Variants in ZNF729 observed in about 807,000 individuals in gnomAD.
The protein encoded by ZNF729 is zinc finger protein 729.
ZNF729 carries 15 observed loss-of-function variants against 12.2 expected under a neutral mutation model. The observed-to-expected ratio is 1.23, with a 90% confidence interval of 0.82 to 1.89. The LOEUF (loss-of-function observed/expected upper bound fraction) is 1.89. Ranked by LOEUF, ZNF729 falls within the 40% of genes most tolerant of loss-of-function variation. The probability of loss-of-function intolerance (pLI) is 0.00; values close to 1 mark genes in which losing one functional copy is unlikely to be tolerated. For synonymous variants in ZNF729, 492 were observed against 476.3 expected (o/e 1.03, Z -0.43); for missense variants, 1,540 against 1,456.7 (o/e 1.06, Z -0.93).
At chr19:22,293,713 C>T (rs1228142557) in intron 1 of ZNF729, among the ~76,000 whole-genome samples, 1 of 151,966 alleles carries the variant, frequency 6.6e-6, no homozygotes, top group Non-Finnish European at 1.5e-5. Context: ...AGGCTGATCT[C>T]AAACTCCTGA....
intron 3 of ZNF729, among the ~76,000 whole-genome samples, chr19:22,305,558 G>A (rs113106398): frequency 0.025 from 3,796 of 151,840 alleles, 152 homozygotes; most frequent in African/African-American, 0.087. Flanking sequence ...CTGGTAAATT[G>A]ACCCATATTA....
chr19:22,294,015 T>C (rs187599995), intron 1 of ZNF729, among the ~76,000 whole-genome samples: 3 of 152,228 alleles, frequency 2.0e-5, no homozygotes, highest in African/African-American at 7.2e-5. Flanking sequence ...CCATTACTTT[T>C]GGTATTTTCA....
intron 1 of ZNF729, chr19:22,299,050 A>G (rs1181064400): frequency 6.6e-6 from 1 of 152,202 alleles, no homozygotes; most frequent in Admixed American, 6.5e-5. Context: ...GAGATGAGAG[A>G]GCAGCAGAGA....
At chr19:22,297,266 TA>T (rs905846281) in intron 1 of ZNF729, among the ~76,000 whole-genome samples, 6 of 150,088 alleles carry the variant, frequency 4.0e-5, no homozygotes, top group African/African-American at 1.5e-4. Flanking sequence ...ATACATTTTT[TA>T]TAACACCTTT....
At position 22,314,903 on chromosome 19, in the gene ZNF729, G is replaced by C. The variant is rs891862927; in HGVS notation, c.1486G>C (p.Ala496Pro). 3 of 1,613,158 alleles carry C rather than the reference G, an allele frequency of 1.9e-6. No individual in the cohort carries two copies. Among genetic ancestry groups the C allele is most frequent in the Non-Finnish European group, 2.5e-6 (3 of 1,179,812 alleles). ...CTACAAATGTGAAGAATGTGGCAAA[G>C]CTTTTAACCATTTCTCAGACCTTAG... ...KPYKCEECGK[A>P]FNHFSDLRRH... Residue 496 changes from alanine (A) to proline (P), a missense_variant, in exon 4 of 4, where the codon GCT (alanine) becomes CCT (proline). Transcript: ENST00000601693.
intron 1 of ZNF729, among the ~76,000 whole-genome samples, chr19:22,298,364 AC>A (rs1419219127): frequency 3.3e-5 from 5 of 152,164 alleles, no homozygotes; most frequent in Non-Finnish European, 7.3e-5. Flanking sequence ...AAAAATTCTT[AC>A]ATGCCTTATA....
At position 22,305,036 on chromosome 19, in the gene ZNF729, G is replaced by A. The variant is rs182749858; in HGVS notation, c.253+253G>A. On this transcript the variant is annotated intron_variant, in intron 3 of 3. Transcript: ENST00000601693. ...TGAGAGCCAAAGTCGTGTTCATGGCGTATAAGGGACTGCACAGTCTGACTG... is the reference window on the plus strand; with the variant it reads ...TGAGAGCCAAAGTCGTGTTCATGGCATATAAGGGACTGCACAGTCTGACTG... 9.8e-5 allele frequency among the ~76,000 whole-genome samples: 15 copies of A among 152,294 alleles called. 1 individual carries two copies. The highest frequency in any genetic ancestry group is 3.4e-3 in the Middle Eastern group (1 of 294).
rs1429141650 is a variant in ZNF729 at position 22,314,242 on chromosome 19, G to A, written c.825G>A (p.Gln275=). Residue 275 remains glutamine, a synonymous_variant, in exon 4 of 4, where the codon CAG becomes CAA. Coordinates refer to ENST00000601693, the MANE Select transcript of ZNF729 (RefSeq NM_001242680.2). ...RCEECGKAFN[Q]SSNLTDHKRI... ...AAGAATGTGGCAAAGCTTTTAACCA[G>A]TCCTCAAATCTTACTGACCATAAGA... is the stretch of plus-strand genomic sequence containing the variant. The A allele has an allele frequency of 1.2e-6, 2 of 1,607,282 alleles. No homozygotes were observed. The highest frequency in any genetic ancestry group is 1.7e-6 in the Non-Finnish European group (2 of 1,177,412).
At chr19:22,307,636 G>A (rs192697929) in intron 3 of ZNF729, among the ~76,000 whole-genome samples, 165 of 150,576 alleles carry the variant, frequency 1.1e-3, no homozygotes, top group Admixed American at 2.0e-3. Context: ...CCAGGTACTC[G>A]GGAGGCTGAA....
In ZNF729 at chr19:22,313,851, G is replaced by T. The variant is rs753047853; in HGVS notation, c.434G>T (p.Cys145Phe). The T allele has an allele frequency of 6.4e-7, 1 of 1,572,642 alleles. No homozygotes were observed. Among genetic ancestry groups the T allele is most frequent in the Non-Finnish European group, 8.6e-7 (1 of 1,162,828 alleles). Residue 145 changes from cysteine to phenylalanine, a missense_variant, in exon 4 of 4, where the codon TGC becomes TTC. Physicochemically the swap from Cys to Phe is radical, Grantham distance 205. Transcript: ENST00000601693. ...HKEGYNKLNQ[C>F]RTATQRKIFQ... ...GAAGGTTATAATAAACTTAACCAAT[G>T]CAGGACAGCTACCCAGAGAAAAATA... is the stretch of plus-strand genomic sequence containing the variant.
At chr19:22,311,638 T>C (rs538640119) in intron 3 of ZNF729, among the ~76,000 whole-genome samples, 1 of 152,302 alleles carries the variant, frequency 6.6e-6, no homozygotes, top group East Asian at 1.9e-4. Context: ...GAAAGTTTCA[T>C]GTGCTGTTGA....
At chr19:22,294,409 A>G (rs751902413) in intron 1 of ZNF729, among the ~76,000 whole-genome samples, 1 of 152,156 alleles carries the variant, frequency 6.6e-6, no homozygotes, top group Non-Finnish European at 1.5e-5. Context: ...TAACGCCTCC[A>G]GCTTTGTTCT....
chr19:22,295,407 T>TG (rs1297909843), intron 1 of ZNF729, among the ~76,000 whole-genome samples: 3 of 142,840 alleles, frequency 2.1e-5, no homozygotes, highest in Non-Finnish European at 4.6e-5. Flanking sequence ...TTTTTTTTTT[T>TG]GAGACAGAGT....
Position 22,314,661 on chromosome 19 carries a change from A to G in ZNF729, c.1244A>G (p.Gln415Arg). The G allele has an allele frequency of 6.2e-7, 1 of 1,612,660 alleles. No homozygotes were observed. Among genetic ancestry groups the G allele is most frequent in the South Asian group, 1.1e-5 (1 of 91,062 alleles). ...GAAGAATGTGGCAAAGCTTTTAGCC[A>G]GTTCTCAACCCTTAAAAAACATAAG... ...KCEECGKAFS[Q>R]FSTLKKHKII... The change falls in exon 4 of 4, where the codon CAG becomes CGG. Residue 415 changes from glutamine to arginine, a missense_variant. Coordinates refer to ENST00000601693, the MANE Select transcript of ZNF729 (RefSeq NM_001242680.2).
At chr19:22,299,677 CAG>C (rs1259069777) in intron 1 of ZNF729, 3 of 152,910 alleles carry the variant, frequency 2.0e-5, no homozygotes, top group African/African-American at 4.8e-5. Flanking sequence ...TGGGCTGTCA[CAG>C]TGAGAAATTT....
rs577379027 is a variant in ZNF729 at position 22,313,468 on chromosome 19, G to A, written c.254-203G>A. Among the ~76,000 whole-genome samples, 4 of 152,100 alleles carry A rather than the reference G, an allele frequency of 2.6e-5. No homozygotes were observed. The South Asian group carries it at 8.3e-4, about 31-fold the overall frequency. On this transcript the variant is annotated intron_variant, in intron 3 of 3. Transcript: ENST00000601693. The stretch of plus-strand genomic sequence containing the variant: ...GCTCTTTGCATTGTGCTTACTTGGG[G>A]TACTTAACTTACATATAAATTTTCC...
intron 3 of ZNF729, among the ~76,000 whole-genome samples, chr19:22,310,595 T>C (rs1019922741): frequency 3.3e-5 from 5 of 152,200 alleles, no homozygotes; most frequent in African/African-American, 9.6e-5. Context: ...CTGGATTCAG[T>C]TAGCTACTAT....
chr19:22,316,630 T>C lies in ZNF729; in HGVS notation c.3213T>C (p.Thr1071=). 1 of 1,613,054 alleles carries C rather than the reference T, an allele frequency of 6.2e-7. No individual in the cohort carries two copies. Among genetic ancestry groups the C allele is most frequent in the Non-Finnish European group, 8.5e-7 (1 of 1,179,786 alleles). The change falls in exon 4 of 4, where the codon ACT becomes ACC. Residue 1071 remains threonine (T), a synonymous_variant. Coordinates refer to ENST00000601693, the MANE Select transcript of ZNF729 (RefSeq NM_001242680.2). ...SKLTEHKVIH[T]GEKPCKCEEC... ...TTACTGAACATAAGGTAATTCATACTGGAGAGAAACCCTGCAAATGTGAAG... is the reference window on the plus strand; with the variant it reads ...TTACTGAACATAAGGTAATTCATACCGGAGAGAAACCCTGCAAATGTGAAG...
chr19:22,304,055 T>TTTTA (rs1968349279), intron 2 of ZNF729, among the ~76,000 whole-genome samples, 171 bp downstream of exon 2: 1 of 150,882 alleles, frequency 6.6e-6, no homozygotes, highest in African/African-American at 2.4e-5. Context: ...TTTTTTTTTT[T>TTTTA]GAGAAGGAGT....
Sources: allele counts gnomAD v4.1 joint callset (sites outside exome capture counted in the v4.1 genomes callset), GRCh38; gene constraint gnomAD v4.1.1; transcripts MANE v1.5; gene names NCBI Gene and HGNC (gene_info 2026-07-23, HGNC 2026-07-21).